The following RNF38 variants were observed in gnomAD, a reference collection of about 807,000 sequenced individuals.
The protein encoded by RNF38 is E3 ubiquitin-protein ligase RNF38.
A neutral mutation model predicts 67.2 loss-of-function variants in RNF38; 15 were observed. The observed-to-expected ratio is 0.22, with a 90% CI of 0.15 to 0.34. The LOEUF (loss-of-function observed/expected upper bound fraction) is 0.34, where lower values mean the gene tolerates loss of function less well. Among genes scored for constraint, RNF38 ranks in the 10% least tolerant of loss-of-function variants. The probability of loss-of-function intolerance (pLI) is 1.00; values close to 1 mark genes in which losing one functional copy is unlikely to be tolerated. For missense variants in RNF38, 524 were observed against 639.9 expected, an observed-to-expected ratio of 0.82 and a Z score of 1.95; for synonymous variants, 220 against 218.8, an observed-to-expected ratio of 1.01 and a Z score of -0.05.
intron 1 of RNF38, among the ~76,000 whole-genome samples, chr9:36,444,235 C>T (rs371541442): frequency 1.3e-4 from 20 of 151,634 alleles, no homozygotes; most frequent in Non-Finnish European, 2.5e-4. Flanking sequence ...TAAAAAAGGA[C>T]GGTGAAAGAT....
intron 1 of RNF38, among the ~76,000 whole-genome samples, chr9:36,463,698 G>A (rs1454905299): frequency 6.6e-6 from 1 of 152,198 alleles, no homozygotes; most frequent in Non-Finnish European, 1.5e-5. Flanking sequence ...AGGCAAGTAT[G>A]TATGGTGCAC....
intron 1 of RNF38, among the ~76,000 whole-genome samples, chr9:36,461,858 A>G (rs12377974): frequency 0.45 from 68,294 of 151,894 alleles, 15,456 homozygotes; most frequent in South Asian, 0.53. Context: ...TGAAGTATGA[A>G]CTCCCTATAA....
intron 4 of RNF38, among the ~76,000 whole-genome samples, chr9:36,365,733 T>G (rs940204261): frequency 2.8e-5 from 4 of 141,738 alleles, no homozygotes; most frequent in African/African-American, 1.1e-4. Context: ...TGGTGCAATC[T>G]TGGCTCACTG....
At chr9:36,409,245 AGAAGGAAGGAAG>A (rs72057765) in intron 2 of RNF38, among the ~76,000 whole-genome samples, 1 of 148,292 alleles carries the variant, frequency 6.7e-6, no homozygotes, top group Non-Finnish European at 1.5e-5. Flanking sequence ...ATGGAAGGAA[AGAAGGAAGGAAG>A]GAAGGAAGGA....
At chr9:36,343,524 T>G (rs987206781) in intron 10 of RNF38, among the ~76,000 whole-genome samples, 2 of 151,952 alleles carry the variant, frequency 1.3e-5, no homozygotes, top group Non-Finnish European at 2.9e-5. Flanking sequence ...TCATTAGCCA[T>G]CAGGGAAATG....
chr9:36,373,648 T>TG, intron 3 of RNF38, among the ~76,000 whole-genome samples: 1 of 149,382 alleles, frequency 6.7e-6, no homozygotes, highest in East Asian at 2.0e-4. Flanking sequence ...CAGGCTGGAG[T>TG]GCAGTGGCGC....
intron 1 of RNF38, among the ~76,000 whole-genome samples, chr9:36,480,528 T>A (rs938632073): frequency 6.7e-6 from 1 of 150,192 alleles, no homozygotes; most frequent in Non-Finnish European, 1.5e-5. Flanking sequence ...CTATTCTATG[T>A]ATACAGTTTT....
chr9:36,487,294 C>T (rs1421920406), intron 1 of RNF38: 1 of 985,058 alleles, frequency 1.0e-6, no homozygotes. Flanking sequence ...CTGGCCCGCT[C>T]CGGGACCCCG....
chr9:36,384,904 G>A (rs1171436995), intron 2 of RNF38, among the ~76,000 whole-genome samples: 1 of 152,224 alleles, frequency 6.6e-6, no homozygotes, highest in African/African-American at 2.4e-5. Context: ...CAGTGCAGTG[G>A]TGGTTCAAGA....
intron 1 of RNF38, chr9:36,487,175 G>A (rs577206300): frequency 1.9e-4 from 109 of 564,140 alleles, no homozygotes; most frequent in Middle Eastern, 8.8e-4. Flanking sequence ...GGGGCTCCGG[G>A]GCCGGACAAA....
intron 2 of RNF38, among the ~76,000 whole-genome samples, chr9:36,422,316 C>T (rs554361019): frequency 1.6e-4 from 25 of 152,000 alleles, no homozygotes; most frequent in Admixed American, 5.2e-4. Context: ...CCCAGCTACT[C>T]AGGAGGCTGA....
chr9:36,352,697 A>C lies in RNF38; in HGVS notation c.1178+45T>G, dbSNP rs779798708. 3.8e-6 allele frequency: 5 copies of C among 1,325,546 alleles called. No homozygotes were observed. The African/African-American group carries it at 7.2e-5, about 19-fold the overall frequency. The allele number at this position is 1,325,546 out of a possible 1,614,324, so 82.1% of individuals were successfully genotyped here. A position where few individuals can be genotyped will look rare whatever the true frequency, so the allele number is the denominator to read the frequency against. ...ACATTCACAAAGGAAAGAGAATCTC[A>C]AGAGTTTCAAAATTCAGAAATCATT... On this transcript the variant is annotated intron_variant, in intron 8 of 11. Transcript: ENST00000259605.
chr9:36,487,528 G>T (rs1348409715), exon 1 of RNF38: 3 of 980,970 alleles, frequency 3.1e-6, no homozygotes, highest in Non-Finnish European at 3.6e-6. Context: ...AGGCGGCGGC[G>T]GCAGCGACCG....
intron 1 of RNF38, among the ~76,000 whole-genome samples, chr9:36,446,006 T>G (rs1470287043): frequency 6.6e-6 from 1 of 152,136 alleles, no homozygotes; most frequent in African/African-American, 2.4e-5. Flanking sequence ...AGTCCTTGTC[T>G]TCCATCTTTC....
intron 9 of RNF38, among the ~76,000 whole-genome samples, chr9:36,348,803 T>A (rs1833489717): frequency 6.6e-6 from 1 of 152,228 alleles, no homozygotes. Context: ...TGTAGCAAGT[T>A]ACCCAGAAGC....
intron 1 of RNF38, among the ~76,000 whole-genome samples, chr9:36,426,998 A>G (rs1484464745): frequency 6.6e-6 from 1 of 152,238 alleles, no homozygotes; most frequent in Non-Finnish European, 1.5e-5. Flanking sequence ...TAACACTTCT[A>G]TTCACATCAA....
intron 4 of RNF38, among the ~76,000 whole-genome samples, chr9:36,366,646 G>A (rs923708330): frequency 1.3e-5 from 2 of 151,910 alleles, no homozygotes; most frequent in African/African-American, 4.8e-5. Flanking sequence ...TTTTCTTCTT[G>A]TCTTTTCTGC....
intron 1 of RNF38, among the ~76,000 whole-genome samples, chr9:36,466,062 A>T (rs1050973154): frequency 5.9e-5 from 9 of 152,022 alleles, no homozygotes; most frequent in African/African-American, 2.2e-4. Context: ...GTGAAAAAGT[A>T]AAAAAAAGTA....
chr9:36,338,185 G>C lies in RNF38; in HGVS notation c.*1567C>G, dbSNP rs973605067. The stretch of plus-strand genomic sequence containing the variant: ...TTGAATACACTAAAAGAATGAGAAA[G>C]TAATTTAAACATTGCTGGAAAAATG... On this transcript the variant is annotated 3_prime_UTR_variant, in exon 12 of 12. Coordinates refer to ENST00000259605, the MANE Select transcript of RNF38 (RefSeq NM_022781.5). 1 of 152,120 alleles carries C rather than the reference G, an allele frequency of 6.6e-6. No individual in the cohort carries two copies. Among genetic ancestry groups the C allele is most frequent in the Non-Finnish European group, 1.5e-5 (1 of 68,030 alleles). The allele number at this position is 152,120 out of a possible 1,614,324, so 9.4% of individuals were successfully genotyped here.
Sources: allele counts gnomAD v4.1 joint callset (sites outside exome capture counted in the v4.1 genomes callset), GRCh38; gene constraint gnomAD v4.1.1; transcripts MANE v1.5; gene names NCBI Gene and HGNC (gene_info 2026-07-23, HGNC 2026-07-21).